ZNF99: variants seen among roughly 807,000 people sequenced by gnomAD.
ZNF99 encodes zinc finger protein 99, also known as zinc finger protein ENSP00000375192.
ZNF99 carries 8 observed loss-of-function variants against 12.8 expected under a neutral mutation model. That is an observed-to-expected ratio of 0.62 (90% CI 0.37 to 1.13). The LOEUF (loss-of-function observed/expected upper bound fraction) is 1.13, where lower values mean the gene tolerates loss of function less well. Among genes scored for constraint, ZNF99 ranks in the 50% most tolerant of loss-of-function variants. ZNF99 has a pLI of 0.02. For missense variants in ZNF99, 1,007 were observed against 1,006.2 expected, an observed-to-expected ratio of 1.00 and a Z score of -0.01; for synonymous variants, 318 against 319.0, an observed-to-expected ratio of 1.00 and a Z score of 0.03.
rs1973069347 is a variant in ZNF99 at position 22,756,942 on chromosome 19, A to AT, written c.*371dup. ...TGAGACCACTTAAAAGCTTTACCAC[A>AT]TTCTTCACATTTGTATGGTTTCTCC... On this transcript the variant is annotated 3_prime_UTR_variant, in exon 4 of 4. Coordinates refer to ENST00000596209, the MANE Select transcript of ZNF99 (RefSeq NM_001080409.3). 1 of 1,610,470 alleles carries AT rather than the reference A, an allele frequency of 6.2e-7. No homozygotes were observed. Among genetic ancestry groups the AT allele is most frequent in the Non-Finnish European group, 8.5e-7 (1 of 1,178,556 alleles).
intron 3 of ZNF99, among the ~76,000 whole-genome samples, chr19:22,766,049 T>C (rs1311586374): frequency 6.6e-6 from 1 of 152,016 alleles, no homozygotes; most frequent in Non-Finnish European, 1.5e-5. Flanking sequence ...AAATAATTTG[T>C]AATATTAATA....
At position 22,757,001 on chromosome 19, in the gene ZNF99, G is replaced by A; in HGVS notation, c.*313C>T. 1 of 1,612,756 alleles carries A rather than the reference G, an allele frequency of 6.2e-7. No individual in the cohort carries two copies. Among genetic ancestry groups the A allele is most frequent in the Admixed American group, 1.7e-5 (1 of 59,972 alleles). On this transcript the variant is annotated 3_prime_UTR_variant, in exon 4 of 4. Coordinates refer to ENST00000596209, the MANE Select transcript of ZNF99 (RefSeq NM_001080409.3). ...AATTATCTTATGTTTCCTAAGGGCTGAGAAATTGCTAAAAGCTTTGCCACA... is the reference window on the plus strand; with the variant it reads ...AATTATCTTATGTTTCCTAAGGGCTAAGAAATTGCTAAAAGCTTTGCCACA...
rs1973022290 is a variant in ZNF99 at position 22,754,673 on chromosome 19, AT to A, written c.*2640del. The A allele has an allele frequency of 3.1e-6, 1 of 323,458 alleles. No individual in the cohort carries two copies. 20.0% of individuals were successfully genotyped at this position (323,458 alleles called of 1,614,324 possible). On this transcript the variant is annotated 3_prime_UTR_variant, in exon 4 of 4. Coordinates refer to ENST00000596209, the MANE Select transcript of ZNF99 (RefSeq NM_001080409.3). ...CTTCATATTTGTAGGGCTAGTTTCC[AT>A]TATGAATTATCTTATGTTCAGTAAG...
rs201994212 is a variant in ZNF99, at chr19:22,758,131, T to C, written c.1778A>G (p.Tyr593Cys). The change falls in exon 4 of 4, where the codon TAC becomes TGC. Residue 593 changes from tyrosine (Y) to cysteine (C), a missense_variant. Transcript: ENST00000596209. ...HKAIHTGEKP[Y>C]KCEECGKAFN... The stretch of plus-strand genomic sequence containing the variant: ...AGCTTTGCCACATTCTTCACATTTG[T>C]AGGGTTTCTCCCCAGTATGAATTGC... 1,137 of 1,611,814 alleles carry C rather than the reference T, an allele frequency of 7.1e-4. 2 individuals carry two copies. The highest frequency in any genetic ancestry group is 8.8e-4 in the Non-Finnish European group (1,036 of 1,178,526).
chr19:22,777,209 G>T (rs1973339708), intron 1 of ZNF99, among the ~76,000 whole-genome samples: 1 of 152,078 alleles, frequency 6.6e-6, no homozygotes, highest in Non-Finnish European at 1.5e-5. Flanking sequence ...ATGGAATACT[G>T]CATTGCCATA....
chr19:22,766,346 C>CTT (rs74174101), intron 3 of ZNF99, among the ~76,000 whole-genome samples: 5 of 140,924 alleles, frequency 3.5e-5, no homozygotes, highest in Admixed American at 7.1e-5. Flanking sequence ...CTTTTCTTTT[C>CTT]TTTTTTTTTT....
rs1166861505 is a variant in ZNF99 at position 22,752,675 on chromosome 19, CATA to C, written c.*4636_*4638del. ...AGGTGGGATAGGTTAAAGCGAGTGGCATAATAACACTTCATTGAATGTACAACA... is the reference window on the plus strand; with the variant it reads ...AGGTGGGATAGGTTAAAGCGAGTGGCATAACACTTCATTGAATGTACAACA... On this transcript the variant is annotated 3_prime_UTR_variant, in exon 4 of 4. Coordinates refer to ENST00000596209, the MANE Select transcript of ZNF99 (RefSeq NM_001080409.3). 5 of 152,030 alleles carry C rather than the reference CATA, an allele frequency of 3.3e-5. No homozygotes were observed. The highest frequency in any genetic ancestry group is 1.3e-4 in the Admixed American group (2 of 15,258). The allele number at this position is 152,030 out of a possible 1,614,324, so 9.4% of individuals were successfully genotyped here.
Position 22,757,274 on chromosome 19 carries a change from C to T in ZNF99, c.*40G>A. ...GGTTGAGGAATTGTTAAAAGCTTTGCCACATTCTTCACATTTGTAGGGTTT... is the reference window on the plus strand; with the variant it reads ...GGTTGAGGAATTGTTAAAAGCTTTGTCACATTCTTCACATTTGTAGGGTTT... On this transcript the variant is annotated 3_prime_UTR_variant, in exon 4 of 4. Coordinates refer to ENST00000596209, the MANE Select transcript of ZNF99 (RefSeq NM_001080409.3). The T allele has an allele frequency of 1.2e-6, 2 of 1,611,200 alleles. No homozygotes were observed. Among genetic ancestry groups the T allele is most frequent in the East Asian group, 2.2e-5 (1 of 44,632 alleles).
chr19:22,754,483 A>G lies in ZNF99; in HGVS notation c.*2831T>C. On this transcript the variant is annotated 3_prime_UTR_variant, in exon 4 of 4. Transcript: ENST00000596209. ...TTTTAAAGCTTTTGTCACATTCTTC[A>G]TATTTATAAAATTTATCTTCTGTAT... is the stretch of plus-strand genomic sequence containing the variant. The G allele has an allele frequency of 2.4e-6, 1 of 415,604 alleles. No individual in the cohort carries two copies. Among genetic ancestry groups the G allele is most frequent in the Non-Finnish European group, 4.7e-6 (1 of 211,282 alleles). 25.7% of individuals were successfully genotyped at this position (415,604 alleles called of 1,614,324 possible). A position where few individuals can be genotyped will look rare whatever the true frequency, so the allele number is the denominator to read the frequency against.
At chr19:22,765,681 T>C (rs940387454) in intron 3 of ZNF99, among the ~76,000 whole-genome samples, 8 of 146,664 alleles carry the variant, frequency 5.5e-5, no homozygotes, top group African/African-American at 1.5e-4. Context: ...ACTAGCACAG[T>C]TAAAAAAAAA....
rs185756090 is a variant in ZNF99, at chr19:22,768,503, A to T, written c.131-103T>A. 493 of 871,346 alleles carry T rather than the reference A, an allele frequency of 5.7e-4. 1 individual carries two copies. The African/African-American group carries it at 8.0e-3, about 14-fold the overall frequency. The allele number at this position is 871,346 out of a possible 1,614,324, so 54.0% of individuals were successfully genotyped here. ...AATATTCTAGTAAATTGATCCCTCAATACTAATTTATAACATAAATTTCTA... is the reference window on the plus strand; with the variant it reads ...AATATTCTAGTAAATTGATCCCTCATTACTAATTTATAACATAAATTTCTA... On this transcript the variant is annotated intron_variant, in intron 2 of 3. Coordinates refer to ENST00000596209, the MANE Select transcript of ZNF99 (RefSeq NM_001080409.3).
rs780316884 is a variant in ZNF99 at position 22,759,085 on chromosome 19, T to C, written c.824A>G (p.His275Arg). 2.5e-6 allele frequency: 4 copies of C among 1,613,438 alleles called. No individual in the cohort carries two copies. Among genetic ancestry groups the C allele is most frequent in the African/African-American group, 1.3e-5 (1 of 74,918 alleles). The change falls in exon 4 of 4, where the codon CAT (histidine) becomes CGT (arginine). Residue 275 changes from histidine to arginine, a missense_variant. Coordinates refer to ENST00000596209, the MANE Select transcript of ZNF99 (RefSeq NM_001080409.3). ...VFNNSSTLMK[H>R]KIIHTGKKPY... ...TTTCTTCCCAGTATGAATTATCTTATGTTTCATAAGGGTTGAGGAATTGTT... is the reference window on the plus strand; with the variant it reads ...TTTCTTCCCAGTATGAATTATCTTACGTTTCATAAGGGTTGAGGAATTGTT...
rs141799799 is a variant in ZNF99 at position 22,767,285 on chromosome 19, T to C, written c.226+1020A>G. Among the ~76,000 whole-genome samples the C allele has an allele frequency of 4.2e-3, 643 of 152,212 alleles. 6 individuals are homozygous for C. Among genetic ancestry groups the C allele is most frequent in the African/African-American group, 0.015 (608 of 41,544 alleles). On this transcript the variant is annotated intron_variant, in intron 3 of 3. Coordinates refer to ENST00000596209, the MANE Select transcript of ZNF99 (RefSeq NM_001080409.3). ...CTGGTTGACGAAGTGAGACCCTATT[T>C]CATTAATTAATTAATTAAAAGGAAA...
rs907010060 is a variant in ZNF99 at position 22,752,712 on chromosome 19, A to G, written c.*4602T>C. On this transcript the variant is annotated 3_prime_UTR_variant, in exon 4 of 4. Coordinates refer to ENST00000596209, the MANE Select transcript of ZNF99 (RefSeq NM_001080409.3). ...TCATTGAATGTACAACAGACTTAAC[A>G]TGTCAAAAAATGTTTAAAAAATTAA... The G allele has an allele frequency of 2.0e-5, 3 of 152,164 alleles. No individual in the cohort carries two copies. The highest frequency in any genetic ancestry group is 2.1e-4 in the South Asian group (1 of 4,832). The allele number at this position is 152,164 out of a possible 1,614,324, so 9.4% of individuals were successfully genotyped here. A position where few individuals can be genotyped will look rare whatever the true frequency, so the allele number is the denominator to read the frequency against.
rs1468914334 is a variant in ZNF99 at position 22,752,441 on chromosome 19, A to G, written c.*4873T>C. 1 of 152,112 alleles carries G rather than the reference A, an allele frequency of 6.6e-6. No homozygotes were observed. The highest frequency in any genetic ancestry group is 2.4e-5 in the African/African-American group (1 of 41,452). 9.4% of individuals were successfully genotyped at this position (152,112 alleles called of 1,614,324 possible). On this transcript the variant is annotated 3_prime_UTR_variant, in exon 4 of 4. Transcript: ENST00000596209. ...TATATCTACACACTATGTACCCATA[A>G]AAGTTAAGAAAAATAAGTTTAAATT...
Position 22,759,459 on chromosome 19 carries a change from A to C in ZNF99, c.450T>G (p.Tyr150Ter). 11 of 1,603,530 alleles carry C rather than the reference A, an allele frequency of 6.9e-6. No individual in the cohort carries two copies. Among genetic ancestry groups the C allele is most frequent in the African/African-American group, 1.3e-5 (1 of 74,530 alleles). Reference protein sequence around the residue: ...TQGKIFQCNKYVKVFHKYSNS... With the variant: ...TQGKIFQCNK The stretch of plus-strand genomic sequence containing the variant: ...TTGAATATTTATGAAAGACTTTCAC[A>C]TATTTGTTACACTGAAATATTTTTC... The change falls in exon 4 of 4, where the codon TAT becomes TAG. Residue 150 changes from tyrosine (Y) to a stop codon, truncating the protein, a stop_gained. Transcript: ENST00000596209. LOFTEE classifies it low-confidence loss of function (END_TRUNC).
At chr19:22,765,532 A>G (rs1973194366) in intron 3 of ZNF99, among the ~76,000 whole-genome samples, 1 of 151,936 alleles carries the variant, frequency 6.6e-6, no homozygotes, top group Admixed American at 6.5e-5. Flanking sequence ...TTACTTGAAG[A>G]CGAAAAAAAA....
At chr19:22,774,713 T>C (rs1241334638) in intron 1 of ZNF99, among the ~76,000 whole-genome samples, 1 of 151,870 alleles carries the variant, frequency 6.6e-6, no homozygotes, top group African/African-American at 2.4e-5. Flanking sequence ...CTACTAAAAA[T>C]ACAAAAATGA....
At chr19:22,760,246 T>C (rs1277835488) in intron 3 of ZNF99, among the ~76,000 whole-genome samples, 1 of 152,142 alleles carries the variant, frequency 6.6e-6, no homozygotes, top group South Asian at 2.1e-4. Flanking sequence ...TGAGATGAGA[T>C]TATGCTATTG....
Sources: gnomAD v4.1 joint callset for allele counts (sites outside exome capture counted in the v4.1 genomes callset) on GRCh38, gnomAD v4.1.1 for gene constraint, MANE v1.5 for transcripts, NCBI Gene and HGNC (gene_info 2026-07-23, HGNC 2026-07-21) for gene names.